NAV3: variants seen among roughly 807,000 people sequenced by gnomAD.
NAV3 encodes the protein pore membrane and/or filament interacting like protein 1.
A neutral mutation model predicts 244.7 loss-of-function variants in NAV3; 87 were observed. The observed-to-expected ratio is 0.36, with a 90% CI of 0.30 to 0.42. The LOEUF (loss-of-function observed/expected upper bound fraction) is 0.42. NAV3 is among the 20% of genes least tolerant of loss of function. NAV3 has a pLI of 1.00. For synonymous variants in NAV3, 1,126 were observed against 1,042.2 expected, an observed-to-expected ratio of 1.08 and a Z score of -1.55; for missense variants, 2,663 against 2,893.3, an observed-to-expected ratio of 0.92 and a Z score of 1.83.
At chr12:77,672,830 AT>A (rs1235371453) in intron 2 of NAV3, among the ~76,000 whole-genome samples, 1 of 152,030 alleles carries the variant, frequency 6.6e-6, no homozygotes, top group Non-Finnish European at 1.5e-5. Flanking sequence ...ATTAAAAAAA[AT>A]AAAATTGTGG....
intron 2 of NAV3, among the ~76,000 whole-genome samples, chr12:77,745,988 T>TAAAAA (rs35139297): frequency 4.5e-4 from 48 of 107,548 alleles, no homozygotes; most frequent in African/African-American, 1.7e-3. Context: ...AGACTTAAGG[T>TAAAAA]AAAAAAAAAA....
At chr12:77,877,866 A>G (rs961371755) in intron 1 of NAV3, among the ~76,000 whole-genome samples, 2 of 152,170 alleles carry the variant, frequency 1.3e-5, no homozygotes, top group Non-Finnish European at 2.9e-5. Flanking sequence ...TGTGCCAGCC[A>G]GGTAAACAAG....
chr12:77,626,169 G>A (rs1285421538), intron 2 of NAV3, among the ~76,000 whole-genome samples: 4 of 151,876 alleles, frequency 2.6e-5, no homozygotes, highest in African/African-American at 4.8e-5. Context: ...ACAACTGAGA[G>A]CTTCAGGAAG....
chr12:77,850,578 G>A (rs1017981357), intron 1 of NAV3, among the ~76,000 whole-genome samples: 1 of 152,172 alleles, frequency 6.6e-6, no homozygotes, highest in East Asian at 1.9e-4. Context: ...CCTAAATTAA[G>A]CTATTTTCTT....
chr12:77,632,739 G>A (rs548755783), intron 2 of NAV3, among the ~76,000 whole-genome samples: 2 of 152,176 alleles, frequency 1.3e-5, no homozygotes, highest in East Asian at 3.9e-4. Flanking sequence ...ATAGTAATGA[G>A]ACTTTTAAAA....
chr12:77,781,565 A>C (rs906688234), intron 2 of NAV3, among the ~76,000 whole-genome samples: 1 of 152,058 alleles, frequency 6.6e-6, no homozygotes, highest in African/African-American at 2.4e-5. Context: ...ATACACTTAC[A>C]TTTATTGACA....
At chr12:77,959,414 A>G (rs1891668558) in intron 3 of NAV3, among the ~76,000 whole-genome samples, 1 of 152,128 alleles carries the variant, frequency 6.6e-6, no homozygotes, top group African/African-American at 2.4e-5. Context: ...GAAAGGGGCT[A>G]TGATGTGAAA....
intron 2 of NAV3, among the ~76,000 whole-genome samples, chr12:77,613,791 G>A (rs1871030007): frequency 6.6e-6 from 1 of 152,008 alleles, no homozygotes; most frequent in Non-Finnish European, 1.5e-5. Flanking sequence ...TTCCCTTTGG[G>A]GTTACCGTTT....
chr12:77,702,505 T>A (rs1875606471), intron 2 of NAV3, among the ~76,000 whole-genome samples: 1 of 152,054 alleles, frequency 6.6e-6, no homozygotes, highest in South Asian at 2.1e-4. Flanking sequence ...TGTATTTGTC[T>A]TGTGTATTTT....
chr12:77,853,587 A>T lies in NAV3; in HGVS notation c.243+21883A>T, dbSNP rs574131790. On this transcript the variant is annotated intron_variant, in intron 1 of 39. Transcript: ENST00000397909. ...GCACTATTTGAGATGAAAATTGAAT[A>T]TGTGCAATACTTCTGATAGCAACAT... 1.7e-3 allele frequency among the ~76,000 whole-genome samples: 264 copies of T among 152,338 alleles called. 1 individual carries two copies. Among genetic ancestry groups the T allele is most frequent in the Middle Eastern group, 3.4e-3 (1 of 294 alleles).
At position 77,938,725 on chromosome 12, in the gene NAV3, C is replaced by T. The variant is rs1419545435; in HGVS notation, c.244-1594C>T. ...GGAAGGTACATATGTCAGGCTGTCT[C>T]TTGCAACTTTAGATATAATAGAAAC... On this transcript the variant is annotated intron_variant, in intron 1 of 39. Transcript: ENST00000397909. Among the ~76,000 whole-genome samples the T allele has an allele frequency of 2.0e-5, 3 of 152,012 alleles. No individual in the cohort carries two copies. In the East Asian group the frequency reaches 5.8e-4, roughly 29 times the overall value.
intron 5 of NAV3, among the ~76,000 whole-genome samples, chr12:77,990,409 C>T (rs1477679831): frequency 2.0e-5 from 3 of 151,508 alleles, no homozygotes; most frequent in Non-Finnish European, 4.4e-5. Flanking sequence ...AAATGAAGGA[C>T]CTGGCATCTC....
chr12:78,155,322 C>T (rs1438928260), intron 22 of NAV3, among the ~76,000 whole-genome samples: 2 of 152,106 alleles, frequency 1.3e-5, no homozygotes, highest in East Asian at 1.9e-4. Context: ...TGGCTTCCAG[C>T]TCCATCCATG....
At position 78,137,163 on chromosome 12, in the gene NAV3, G is replaced by A. The variant is rs775050793; in HGVS notation, c.4442-14G>A. The A allele has an allele frequency of 3.1e-6, 5 of 1,605,788 alleles. No individual in the cohort carries two copies. The highest frequency in any genetic ancestry group is 4.3e-6 in the Non-Finnish European group (5 of 1,175,944). On this transcript the variant is annotated splice_polypyrimidine_tract_variant and intron_variant, in intron 18 of 39. Coordinates refer to ENST00000397909, the MANE Select transcript of NAV3 (RefSeq NM_001024383.2). Reference sequence around the variant, plus strand: ...AGCTTAAGAGTAATAGGCTCTGTGTGTTTTGTTTTTCAGTGAGCCCAACAA... The same window carrying A: ...AGCTTAAGAGTAATAGGCTCTGTGTATTTTGTTTTTCAGTGAGCCCAACAA...
intron 18 of NAV3, chr12:78,130,532 A>T: frequency 5.0e-6 from 1 of 200,412 alleles, no homozygotes; most frequent in Non-Finnish European, 1.1e-5. Flanking sequence ...GGCTGGAGGT[A>T]GTTGTACCAC....
intron 2 of NAV3, among the ~76,000 whole-genome samples, chr12:77,688,429 A>T (rs940981666): frequency 2.6e-5 from 4 of 152,028 alleles, no homozygotes; most frequent in African/African-American, 7.2e-5. Context: ...TGTAAGTACC[A>T]TGAGGATGAG....
At chr12:77,739,565 G>C (rs533236815) in intron 2 of NAV3, among the ~76,000 whole-genome samples, 5 of 152,210 alleles carry the variant, frequency 3.3e-5, no homozygotes, top group African/African-American at 1.2e-4. Context: ...CAAGAAAACA[G>C]TTTTTATTAG....
At chr12:78,167,099 G>A (rs1007618542) in intron 23 of NAV3, among the ~76,000 whole-genome samples, 1 of 151,468 alleles carries the variant, frequency 6.6e-6, no homozygotes, top group African/African-American at 2.4e-5. Context: ...TATTTCTTGG[G>A]GGATATTTTT....
chr12:77,783,442 T>G (rs962486578), intron 2 of NAV3: 1 of 152,048 alleles, frequency 6.6e-6, no homozygotes, highest in African/African-American at 2.4e-5. Flanking sequence ...CAGTTAAACC[T>G]ACCATGGAAG....
Sources: gnomAD v4.1 joint callset for allele counts (sites outside exome capture counted in the v4.1 genomes callset) on GRCh38, gnomAD v4.1.1 for gene constraint, MANE v1.5 for transcripts, NCBI Gene and HGNC (gene_info 2026-07-23, HGNC 2026-07-21) for gene names.